The following ARAP2 variants were observed in gnomAD, a reference collection of about 807,000 sequenced individuals.
ARAP2 encodes ArfGAP with RhoGAP domain, ankyrin repeat and PH domain 2, also known as arf-GAP with Rho-GAP domain, ANK repeat and PH domain-containing protein 2.
Under a neutral mutation model 194.5 loss-of-function variants are expected in ARAP2, and 148 were observed. That is an observed-to-expected ratio of 0.76 (90% CI 0.67 to 0.87). The LOEUF (loss-of-function observed/expected upper bound fraction) is 0.87. Among genes scored for constraint, ARAP2 ranks in the 40% least tolerant of loss-of-function variants. ARAP2 has a pLI of 0.00. For missense variants in ARAP2, 2,128 were observed against 1,989.7 expected, an observed-to-expected ratio of 1.07 and a Z score of -1.32; for synonymous variants, 695 against 683.5, an observed-to-expected ratio of 1.02 and a Z score of -0.26.
chr4:36,138,643 T>C (rs1294618431), intron 19 of ARAP2, among the ~76,000 whole-genome samples: 1 of 151,710 alleles, frequency 6.6e-6, no homozygotes, highest in Admixed American at 6.6e-5. Flanking sequence ...CCTCACTTTA[T>C]ATCATAAATA....
In ARAP2 at chr4:36,066,904, T is replaced by A. The variant is rs1030379960; in HGVS notation, c.*1003A>T. 6.6e-6 allele frequency: 1 copy of A among 152,226 alleles called. No homozygotes were observed. The highest frequency in any genetic ancestry group is 1.5e-5 in the Non-Finnish European group (1 of 68,046). 9.4% of individuals were successfully genotyped at this position (152,226 alleles called of 1,614,324 possible). On this transcript the variant is annotated 3_prime_UTR_variant, in exon 33 of 33. Transcript: ENST00000303965. ...GCCATATATTGTATTCTTCCAGTTA[T>A]TTCTGACAACTCGGAGAAAAACATT...
At chr4:36,182,319 G>A (rs548766217) in intron 8 of ARAP2, among the ~76,000 whole-genome samples, 10 of 151,964 alleles carry the variant, frequency 6.6e-5, no homozygotes, top group Admixed American at 1.3e-4. Flanking sequence ...GGTGAAACCC[G>A]AGCTCCACTA....
At chr4:36,209,433 A>G in intron 6 of ARAP2, 2 of 450,728 alleles carry the variant, frequency 4.4e-6, no homozygotes, top group Non-Finnish European at 8.9e-6. Context: ...ATGAAAATAT[A>G]TAAGGTATTA....
At chr4:36,144,547 C>T (rs1729160312) in intron 19 of ARAP2, among the ~76,000 whole-genome samples, 1 of 151,582 alleles carries the variant, frequency 6.6e-6, no homozygotes, top group Admixed American at 6.6e-5. Context: ...AGTAAAAATG[C>T]AAAGTCCTAA....
chr4:36,087,449 T>C (rs1056546829), intron 28 of ARAP2, among the ~76,000 whole-genome samples: 1 of 152,112 alleles, frequency 6.6e-6, no homozygotes, highest in African/African-American at 2.4e-5. Context: ...TCAGTATCCT[T>C]AAAGAACACT....
At chr4:36,238,217 T>C (rs1478087637) in intron 1 of ARAP2, among the ~76,000 whole-genome samples, 1 of 152,206 alleles carries the variant, frequency 6.6e-6, no homozygotes, top group Non-Finnish European at 1.5e-5. Context: ...CCCTGTTCTC[T>C]ACCTCAACCA....
intron 28 of ARAP2, among the ~76,000 whole-genome samples, chr4:36,090,603 C>T (rs1245102923): frequency 6.6e-6 from 1 of 152,058 alleles, no homozygotes; most frequent in Non-Finnish European, 1.5e-5. Flanking sequence ...AGATCATGTC[C>T]TTTGCAAGAA....
At chr4:36,158,539 C>T (rs1385475348) in intron 15 of ARAP2, among the ~76,000 whole-genome samples, 191 bp downstream of exon 15, 1 of 152,072 alleles carries the variant, frequency 6.6e-6, no homozygotes, top group Admixed American at 6.5e-5. Context: ...CTCAGCATTC[C>T]AACCAATGGT....
At chr4:36,239,716 G>A (rs772903935) in intron 1 of ARAP2, among the ~76,000 whole-genome samples, 8 of 152,134 alleles carry the variant, frequency 5.3e-5, no homozygotes, top group Non-Finnish European at 1.0e-4. Flanking sequence ...TATACTTAGC[G>A]TTACTGAACT....
chr4:36,186,358 A>G (rs1162678848), intron 8 of ARAP2, among the ~76,000 whole-genome samples: 1 of 152,226 alleles, frequency 6.6e-6, no homozygotes, highest in Non-Finnish European at 1.5e-5. Context: ...TTCTCTGTAC[A>G]CATTTAAACT....
chr4:36,130,190 CT>C, intron 20 of ARAP2, among the ~76,000 whole-genome samples: 1 of 152,080 alleles, frequency 6.6e-6, no homozygotes. Flanking sequence ...ATGCAGCCCT[CT>C]GTGTGTCTCA....
chr4:36,205,419 T>A (rs994550130), intron 6 of ARAP2, among the ~76,000 whole-genome samples: 9 of 152,290 alleles, frequency 5.9e-5, no homozygotes, highest in East Asian at 1.9e-4. Context: ...TCACTTTTTT[T>A]AAAATAAGCT....
chr4:36,194,132 A>C (rs2109921464), intron 6 of ARAP2, among the ~76,000 whole-genome samples: 1 of 152,320 alleles, frequency 6.6e-6, no homozygotes, highest in Non-Finnish European at 1.5e-5. Context: ...GCTGAAAAAG[A>C]CCTGAACAAA....
chr4:36,171,482 G>A (rs1736618152), intron 9 of ARAP2, among the ~76,000 whole-genome samples: 1 of 151,722 alleles, frequency 6.6e-6, no homozygotes, highest in Non-Finnish European at 1.5e-5. Flanking sequence ...AGAACACATG[G>A]ACACAGGAAG....
At chr4:36,133,131 G>A (rs1725821972) in intron 20 of ARAP2, 95 bp downstream of exon 20, 10 of 1,194,996 alleles carry the variant, frequency 8.4e-6, no homozygotes, top group South Asian at 3.4e-5. Flanking sequence ...CAAATATAAA[G>A]GGTTTTAACT....
chr4:36,070,882 T>C (rs7671877), intron 32 of ARAP2, among the ~76,000 whole-genome samples: 50,054 of 152,012 alleles, frequency 0.33, 8,876 homozygotes, highest in Non-Finnish European at 0.4. Context: ...GATGCAGAAA[T>C]AGAAACTCAA....
At position 36,136,919 on chromosome 4, in the gene ARAP2, T is replaced by TAC. The variant is rs1310011820; in HGVS notation, c.3264-3532_3264-3531dup. ...CACACTATTAGAATGGACACACACA[T>TAC]ACACGCGCGCGCGCACACACACACA... On this transcript the variant is annotated intron_variant, in intron 19 of 32. Coordinates refer to ENST00000303965, the MANE Select transcript of ARAP2 (RefSeq NM_015230.4). 1.1e-3 allele frequency among the ~76,000 whole-genome samples: 81 copies of TAC among 75,890 alleles called. 1 individual carries two copies. Among genetic ancestry groups the TAC allele is most frequent in the Non-Finnish European group, 6.4e-4 (27 of 42,124 alleles). 49.8% of individuals were successfully genotyped at this position (75,890 alleles called of 152,430 possible).
intron 9 of ARAP2, among the ~76,000 whole-genome samples, chr4:36,173,653 A>G (rs1428021371): frequency 6.6e-6 from 1 of 152,166 alleles, no homozygotes; most frequent in East Asian, 1.9e-4. Context: ...AGATGAAGAG[A>G]CAATTTGAGA....
intron 30 of ARAP2, 127 bp from the exon 31 acceptor site, chr4:36,080,406 CA>C (rs1297909297): frequency 1.4e-6 from 1 of 690,412 alleles, no homozygotes; most frequent in Non-Finnish European, 2.5e-6. Flanking sequence ...AATGCAATCA[CA>C]AAAGTGGAAC....
Sources: allele counts gnomAD v4.1 joint callset (sites outside exome capture counted in the v4.1 genomes callset), GRCh38; gene constraint gnomAD v4.1.1; transcripts MANE v1.5; gene names NCBI Gene and HGNC (gene_info 2026-07-23, HGNC 2026-07-21).